The following AKAP13 variants were observed in gnomAD, a reference collection of about 807,000 sequenced individuals.
AKAP13 encodes A-kinase anchor protein 13.
Under a neutral mutation model 264.5 loss-of-function variants are expected in AKAP13, and 80 were observed. That is an observed-to-expected ratio of 0.30 (90% confidence interval 0.25 to 0.36). The LOEUF (loss-of-function observed/expected upper bound fraction) is 0.36, where lower values mean the gene tolerates loss of function less well. Ranked by LOEUF, AKAP13 falls within the 10% of genes least tolerant of loss-of-function variation. The pLI is 1.00. For missense variants in AKAP13, 3,712 were observed against 3,435.2 expected (o/e 1.08, Z -2.01); for synonymous variants, 1,380 against 1,250.2 (o/e 1.10, Z -2.19).
At chr15:85,692,497 A>ATGGTGATGG (rs2085344056) in intron 16 of AKAP13, among the ~76,000 whole-genome samples, 1 of 151,046 alleles carries the variant, frequency 6.6e-6, no homozygotes, top group Non-Finnish European at 1.5e-5. Flanking sequence ...GGTGGTGGTG[A>ATGGTGATGG]TGGTGGTGGT....
At chr15:85,606,907 G>C (rs1178537531) in intron 8 of AKAP13, among the ~76,000 whole-genome samples, 1 of 152,142 alleles carries the variant, frequency 6.6e-6, no homozygotes, top group Non-Finnish European at 1.5e-5. Context: ...TTACCCCAAT[G>C]GGTCACACTA....
chr15:85,527,390 G>T (rs995514141), intron 3 of AKAP13, among the ~76,000 whole-genome samples: 1 of 151,696 alleles, frequency 6.6e-6, no homozygotes, highest in African/African-American at 2.4e-5. Flanking sequence ...TGCCTTTTGG[G>T]ACCAAAAAAA....
intron 17 of AKAP13, among the ~76,000 whole-genome samples, chr15:85,700,665 T>G (rs2085858366): frequency 6.6e-6 from 1 of 152,236 alleles, no homozygotes; most frequent in African/African-American, 2.4e-5. Flanking sequence ...TTGTGTATAT[T>G]TAAAACTACA....
At chr15:85,614,259 G>A (rs558870933) in intron 8 of AKAP13, among the ~76,000 whole-genome samples, 62 of 152,280 alleles carry the variant, frequency 4.1e-4, no homozygotes, top group African/African-American at 1.4e-3. Context: ...GGTGAAGCAC[G>A]ACGGCCATCT....
chr15:85,492,114 T>C (rs1161739760), intron 2 of AKAP13, among the ~76,000 whole-genome samples: 2 of 152,262 alleles, frequency 1.3e-5, no homozygotes, highest in African/African-American at 4.8e-5. Flanking sequence ...AAACATGTCA[T>C]AGCACTTAAT....
At chr15:85,706,884 A>T (rs544019499) in intron 17 of AKAP13, among the ~76,000 whole-genome samples, 3 of 152,318 alleles carry the variant, frequency 2.0e-5, no homozygotes, top group Admixed American at 6.5e-5. Context: ...AAGGCATGGA[A>T]TAGGCCTTTG....
intron 1 of AKAP13, among the ~76,000 whole-genome samples, chr15:85,442,437 T>TAG (rs2073702915): frequency 8.1e-6 from 1 of 123,022 alleles, no homozygotes; most frequent in Non-Finnish European, 1.7e-5. Flanking sequence ...TATATATATA[T>TAG]AATATAAAAT....
intron 17 of AKAP13, among the ~76,000 whole-genome samples, chr15:85,703,241 T>C (rs1247356790): frequency 1.3e-5 from 2 of 152,130 alleles, no homozygotes; most frequent in African/African-American, 2.4e-5. Flanking sequence ...AAAATACATA[T>C]AGTTGATTAA....
chr15:85,693,911 A>G (rs2085427370), intron 17 of AKAP13, among the ~76,000 whole-genome samples: 1 of 152,240 alleles, frequency 6.6e-6, no homozygotes, highest in South Asian at 2.1e-4. Flanking sequence ...AGGCTAAACT[A>G]TGATGTCCAG....
In AKAP13 at chr15:85,422,844, C is replaced by G. The variant is rs183659415; in HGVS notation, c.-12+42046C>G. Among the ~76,000 whole-genome samples, 591 of 152,238 alleles carry G rather than the reference C, an allele frequency of 3.9e-3. 11 individuals are homozygous for G. Among genetic ancestry groups the G allele is most frequent in the Admixed American group, 0.03 (453 of 15,296 alleles). On this transcript the variant is annotated intron_variant, in intron 1 of 36. Coordinates refer to ENST00000394518, the MANE Select transcript of AKAP13 (RefSeq NM_007200.5). ...GTTGCATGGCCAGTATAGAAGTGAC[C>G]TATTTGAATATAGTACAATATTAAT... is the stretch of plus-strand genomic sequence containing the variant.
intron 1 of AKAP13, among the ~76,000 whole-genome samples, chr15:85,471,763 C>T (rs947937292): frequency 1.8e-4 from 27 of 152,166 alleles, no homozygotes; most frequent in African/African-American, 3.1e-4. Context: ...AGAATGGGAT[C>T]GCATAATAGG....
At chr15:85,716,229 T>C (rs1305221771) in intron 20 of AKAP13, among the ~76,000 whole-genome samples, 1 of 152,070 alleles carries the variant, frequency 6.6e-6, no homozygotes, top group East Asian at 1.9e-4. Context: ...TAAGTAGGAA[T>C]AGGAAAAAGG....
intron 17 of AKAP13, among the ~76,000 whole-genome samples, chr15:85,705,336 C>G (rs2086169029): frequency 6.6e-6 from 1 of 152,104 alleles, no homozygotes; most frequent in South Asian, 2.1e-4. Flanking sequence ...CAAATTCTGC[C>G]CATAGTGTTC....
chr15:85,733,003 T>A (rs1426734406), intron 30 of AKAP13, among the ~76,000 whole-genome samples: 1 of 152,244 alleles, frequency 6.6e-6, no homozygotes, highest in East Asian at 1.9e-4. Context: ...AACTGTTACA[T>A]GCCATATGCT....
intron 1 of AKAP13, chr15:85,382,044 T>G (rs1435049755): frequency 6.6e-6 from 1 of 152,158 alleles, no homozygotes; most frequent in African/African-American, 2.4e-5. Flanking sequence ...TAAGTACAAG[T>G]TTTGTCAAGT....
chr15:85,446,710 CTTTT>C (rs67306030), intron 1 of AKAP13, among the ~76,000 whole-genome samples: 9 of 124,384 alleles, frequency 7.2e-5, no homozygotes, highest in Non-Finnish European at 8.3e-5. Flanking sequence ...TTTTCTTTTT[CTTTT>C]TTTTTTTTTT....
At chr15:85,688,967 G>A (rs950428792) in intron 16 of AKAP13, among the ~76,000 whole-genome samples, 11 of 152,154 alleles carry the variant, frequency 7.2e-5, no homozygotes, top group African/African-American at 2.2e-4. Flanking sequence ...CATGGTGTTC[G>A]AGTTCACAAA....
At chr15:85,540,703 A>AATT (rs2077555425) in intron 4 of AKAP13, among the ~76,000 whole-genome samples, 1 of 152,212 alleles carries the variant, frequency 6.6e-6, no homozygotes, top group Non-Finnish European at 1.5e-5. Context: ...ACACAGACTA[A>AATT]AGGAAACTAA....
chr15:85,412,555 A>G (rs2150874443), intron 1 of AKAP13, among the ~76,000 whole-genome samples: 1 of 152,364 alleles, frequency 6.6e-6, no homozygotes, highest in Non-Finnish European at 1.5e-5. Context: ...TTTTAAAATG[A>G]AGTAATATTT....
Sources: gnomAD v4.1 joint callset for allele counts (sites outside exome capture counted in the v4.1 genomes callset) on GRCh38, gnomAD v4.1.1 for gene constraint, MANE v1.5 for transcripts, NCBI Gene and HGNC (gene_info 2026-07-23, HGNC 2026-07-21) for gene names.